The following TRO variants were observed in gnomAD, a reference collection of about 807,000 sequenced individuals.
The protein encoded by TRO is trophinin, also known as MAGE superfamily protein.
Under a neutral mutation model 42.3 loss-of-function variants are expected in TRO, and 29 were observed. The observed-to-expected ratio is 0.68, with a 90% CI of 0.51 to 0.93. The LOEUF (loss-of-function observed/expected upper bound fraction) is 0.93, where lower values mean the gene tolerates loss of function less well. Among genes scored for constraint, TRO ranks in the 40% least tolerant of loss-of-function variants. TRO has a pLI of 0.00. For missense variants in TRO, 963 were observed against 1,127.7 expected, an observed-to-expected ratio of 0.85 and a Z score of 2.09; for synonymous variants, 384 against 425.2, an observed-to-expected ratio of 0.90 and a Z score of 1.19.
At chrX:54,924,037 G>A in intron 3 of TRO, 3 of 381,223 alleles carry the variant, frequency 7.9e-6, no homozygotes, top group South Asian at 5.4e-5. Flanking sequence ...CAGGCTTTGT[G>A]TTGGGTACAG....
chrX:54,924,223 C>G (rs911250875), intron 3 of TRO, among the ~76,000 whole-genome samples: 1 of 112,110 alleles, frequency 8.9e-6, no homozygotes, highest in African/African-American at 3.2e-5. Context: ...AGGCTCTTAT[C>G]TTGAGTTGTT....
chrX:54,922,153 T>C, intron 1 of TRO, 50 bp from the exon 2 acceptor site: 1 of 993,462 alleles, frequency 1.0e-6, no homozygotes, highest in Non-Finnish European at 1.4e-6. Context: ...TAAGTCAGGA[T>C]AGGTGAGATG....
intron 5 of TRO, 109 bp downstream of exon 5, chrX:54,924,842 C>G (rs1230603730): frequency 2.0e-6 from 2 of 980,272 alleles, no homozygotes; most frequent in East Asian, 6.2e-5. Context: ...ATCTCCACAC[C>G]TGCCCTCCTT....
At chrX:54,926,804 T>C in intron 9 of TRO, 179 bp downstream of exon 9, 1 of 722,906 alleles carries the variant, frequency 1.4e-6, no homozygotes. Flanking sequence ...CTCTGCTGTC[T>C]CTCTCCTTAA....
chrX:54,929,200 G>A lies in TRO; in HGVS notation c.2476G>A (p.Gly826Arg). 8.2e-7 allele frequency: 1 copy of A among 1,212,420 alleles called. No individual in the cohort carries two copies. ...MPCTSASFSGGVSSSFSGPLS... is the reference protein window; with the variant it reads ...MPCTSASFSGRVSSSFSGPLS... ...TTGTACCAGTGCCAGCTTTAGTGGT[G>A]GAGTCAGCTCTAGTTTTAGTGGCCC... The change falls in exon 12 of 13, where the codon GGA (glycine) becomes AGA (arginine). Residue 826 changes from glycine to arginine, a missense_variant. By Grantham distance (125) the Gly-to-Arg change is moderately radical. This residue lies in a region of TRO where 641 missense variants were observed against 811.3 expected (regional missense o/e 0.79). Transcript: ENST00000173898.
chrX:54,927,296 C>T (rs1932799670), intron 10 of TRO, 191 bp downstream of exon 10: 2 of 516,130 alleles, frequency 3.9e-6, no homozygotes, highest in African/African-American at 2.3e-5. Flanking sequence ...AACACAAGGC[C>T]CTTGCAGTGG....
chrX:54,927,256 G>A, intron 10 of TRO, 151 bp downstream of exon 10: 2 of 658,791 alleles, frequency 3.0e-6, no homozygotes, highest in Non-Finnish European at 4.7e-6. Flanking sequence ...AATTCCCATG[G>A]GCAGACCTTT....
chrX:54,930,396 C>T lies in TRO; in HGVS notation c.3672C>T (p.Gly1224=), dbSNP rs759267319. 19 of 1,211,141 alleles carry T rather than the reference C, an allele frequency of 1.6e-5. No homozygotes were observed. The highest frequency in any genetic ancestry group is 3.0e-5 in the East Asian group (1 of 33,796). Reference sequence around the variant, plus strand: ...GTGCTGGCTTTGGTGGTGGCCTAGGCACCAGTGCTGGCTTCAGTGGTGGCC... The same window carrying T: ...GTGCTGGCTTTGGTGGTGGCCTAGGTACCAGTGCTGGCTTCAGTGGTGGCC... ...NTSAGFGGGL[G]TSAGFSGGLS... Residue 1224 remains glycine, a synonymous_variant, in exon 12 of 13, where the codon GGC becomes GGT. Transcript: ENST00000173898.
intron 2 of TRO, 104 bp downstream of exon 2, chrX:54,922,395 C>A: frequency 9.9e-7 from 1 of 1,010,167 alleles, no homozygotes; most frequent in Non-Finnish European, 1.4e-6. Context: ...CCCTGCCTAA[C>A]TCGTCTCAGT....
intron 12 of TRO, 41 bp from the exon 13 acceptor site, chrX:54,931,163 T>C (rs1414237502): frequency 2.5e-6 from 3 of 1,205,359 alleles, no homozygotes; most frequent in Non-Finnish European, 3.4e-6. Context: ...GAAGACAGTG[T>C]ATTTGGTGCT....
rs1237310826 is a variant in TRO at position 54,923,064 on chromosome X, A to G, written c.532A>G (p.Ile178Val). 1 of 1,212,036 alleles carries G rather than the reference A, an allele frequency of 8.3e-7. No individual in the cohort carries two copies. Among genetic ancestry groups the G allele is most frequent in the Admixed American group, 2.2e-5 (1 of 46,067 alleles). The change falls in exon 3 of 13, where the codon ATC (isoleucine) becomes GTC (valine). Residue 178 changes from isoleucine to valine, a missense_variant. Transcript: ENST00000173898. ...SPLQVLKLPV[I>V]SQNIHAPIAN... ...CTTGCAGGTCCTAAAGCTACCAGTC[A>G]TCTCACAGAATATTCACGCTCCAAT...
At chrX:54,922,030 ACT>A (rs1013035571) in intron 1 of TRO, 171 bp from the exon 2 acceptor site, 7 of 377,483 alleles carry the variant, frequency 1.9e-5, no homozygotes, top group Non-Finnish European at 2.7e-5. Context: ...CGTAGAACTG[ACT>A]CTCTCGGAGG....
In TRO at chrX:54,929,815, G is replaced by A. The variant is rs779775928; in HGVS notation, c.3091G>A (p.Gly1031Ser). ...SALNTNAGYG[G>S]AVSTNTDFGG... Reference sequence around the variant, plus strand: ...ACTCAACACCAATGCTGGTTATGGTGGTGCTGTCAGCACCAACACTGACTT... The same window carrying A: ...ACTCAACACCAATGCTGGTTATGGTAGTGCTGTCAGCACCAACACTGACTT... Residue 1031 changes from glycine to serine, a missense_variant, in exon 12 of 13, where the codon GGT becomes AGT. Coordinates refer to ENST00000173898, the MANE Select transcript of TRO (RefSeq NM_001039705.3). 8.3e-6 allele frequency: 10 copies of A among 1,207,942 alleles called. No homozygotes were observed. Among genetic ancestry groups the A allele is most frequent in the Non-Finnish European group, 1.1e-5 (10 of 894,545 alleles).
rs202140911 is a variant in TRO, at chrX:54,922,607, G to A, written c.75G>A (p.Gly25=). 1,670 of 1,208,346 alleles carry A rather than the reference G, an allele frequency of 1.4e-3. 2 individuals are homozygous for A. The highest frequency in any genetic ancestry group is 1.7e-3 in the Non-Finnish European group (1,548 of 894,467). ...CTCTGCCTCCCCCGGGGAGCCTGGGGCTTCCCTTCCCTCCAGATATACAGA... is the reference window on the plus strand; with the variant it reads ...CTCTGCCTCCCCCGGGGAGCCTGGGACTTCCCTTCCCTCCAGATATACAGA... ...QGPLPPPGSL[G]LPFPPDIQTE... The change falls in exon 3 of 13, where the codon GGG becomes GGA. Residue 25 remains glycine (G), a synonymous_variant. Coordinates refer to ENST00000173898, the MANE Select transcript of TRO (RefSeq NM_001039705.3).
At chrX:54,921,016 C>T (rs747875480) in intron 1 of TRO, 138 bp downstream of exon 1, 1 of 111,357 alleles carries the variant, frequency 9.0e-6, no homozygotes, top group Non-Finnish European at 1.9e-5. Context: ...TCAAAGTCGC[C>T]TTTAGCGGTG....
Position 54,927,684 on chromosome X carries a change from G to A in TRO, c.1781G>A (p.Arg594Lys), listed in dbSNP as rs753257790. The A allele has an allele frequency of 1.7e-6, 2 of 1,209,710 alleles. No individual in the cohort carries two copies. The highest frequency in any genetic ancestry group is 3.5e-5 in the South Asian group (2 of 56,796). The change falls in exon 11 of 13, where the codon AGG becomes AAG. Residue 594 changes from arginine to lysine, a missense_variant. Physicochemically the swap from Arg to Lys is conservative, Grantham distance 26 (BLOSUM62 2). Coordinates refer to ENST00000173898, the MANE Select transcript of TRO (RefSeq NM_001039705.3). ...TTTCCAAGGTACCTGGAGTACAAGA[G>A]GGTCCCTAACAGCAGACCACCTGAA... ...FVKQKYLEYK[R>K]VPNSRPPEYE... is the part of the protein sequence containing the mutation.
chrX:54,921,190 G>C (rs1931993863), intron 1 of TRO: 1 of 110,985 alleles, frequency 9.0e-6, no homozygotes, highest in African/African-American at 3.3e-5. Flanking sequence ...AGCAAGAGGG[G>C]AGGAGGATAC....
In TRO at chrX:54,930,086, G is replaced by C. The variant is rs1483513637; in HGVS notation, c.3362G>C (p.Gly1121Ala). The C allele has an allele frequency of 1.7e-6, 2 of 1,209,335 alleles. No individual in the cohort carries two copies. Among genetic ancestry groups the C allele is most frequent in the Non-Finnish European group, 1.1e-6 (1 of 894,873 alleles). Residue 1121 changes from glycine to alanine, a missense_variant, in exon 12 of 13, where the codon GGT (glycine) becomes GCT (alanine). Coordinates refer to ENST00000173898, the MANE Select transcript of TRO (RefSeq NM_001039705.3). ...CTTAGTACCGCTGCTGACTTCGGTG[G>C]TACTCCCAGCAACAGCATTGGCTTT... ...GALSTAADFG[G>A]TPSNSIGFGA...
Position 54,925,620 on chromosome X carries a change from A to G in TRO, c.1514A>G (p.Asp505Gly), listed in dbSNP as rs1383051436. The G allele has an allele frequency of 1.7e-6, 2 of 1,210,988 alleles. No homozygotes were observed. Among genetic ancestry groups the G allele is most frequent in the Non-Finnish European group, 1.1e-6 (1 of 894,975 alleles). ...KMFRVNLKEI[D>G]KQSSLYILIS... ...TTTCGAGTCAATCTGAAAGAAATTG[A>G]TAAGCAAAGTAGCTTGTATATTCTC... Residue 505 changes from aspartate to glycine, a missense_variant, in exon 7 of 13, where the codon GAT (aspartate) becomes GGT (glycine). This residue lies in a region of TRO where 641 missense variants were observed against 811.3 expected (regional missense o/e 0.79). Transcript: ENST00000173898.
Sources: gnomAD v4.1 joint callset for allele counts (sites outside exome capture counted in the v4.1 genomes callset) on GRCh38, gnomAD v4.1.1 for gene constraint, gnomAD v4.1.1 regional missense constraint, MANE v1.5 for transcripts, NCBI Gene and HGNC (gene_info 2026-07-23, HGNC 2026-07-21) for gene names.